Variants in PPM1L observed in about 807,000 individuals in gnomAD.
PPM1L encodes protein phosphatase, Mg2+/Mn2+ dependent 1L.
PPM1L carries 13 observed loss-of-function variants against 31.4 expected under a neutral mutation model. That is an observed-to-expected ratio of 0.41 (90% CI 0.27 to 0.66). The LOEUF (loss-of-function observed/expected upper bound fraction) is 0.66, where lower values mean the gene tolerates loss of function less well. Ranked by LOEUF, PPM1L falls within the 30% of genes least tolerant of loss-of-function variation. The pLI is 0.29. For synonymous variants in PPM1L, 184 were observed against 175.4 expected (o/e 1.05, Z -0.39); for missense variants, 326 against 453.7 (o/e 0.72, Z 2.56).
chr3:161,006,591 G>A (rs1013376618), intron 2 of PPM1L, among the ~76,000 whole-genome samples: 1 of 150,322 alleles, frequency 6.7e-6, no homozygotes, highest in African/African-American at 2.5e-5. Context: ...TTAATAATTG[G>A]TTTTCCTCAT....
At chr3:161,024,033 T>C (rs970900511) in intron 2 of PPM1L, among the ~76,000 whole-genome samples, 1 of 152,138 alleles carries the variant, frequency 6.6e-6, no homozygotes, top group South Asian at 2.1e-4. Context: ...TCCCAACACC[T>C]TGGGAGGCCC....
At chr3:160,854,289 T>C (rs1711610361) in intron 1 of PPM1L, among the ~76,000 whole-genome samples, 2 of 152,204 alleles carry the variant, frequency 1.3e-5, no homozygotes, top group Admixed American at 1.3e-4. Flanking sequence ...TTGGTATATC[T>C]CTGAGAACTG....
chr3:160,903,259 A>G (rs1445590485), intron 1 of PPM1L, among the ~76,000 whole-genome samples: 2 of 144,640 alleles, frequency 1.4e-5, no homozygotes, highest in South Asian at 2.1e-4. Context: ...GACTTATTCT[A>G]AGGAATTGGC....
intron 1 of PPM1L, among the ~76,000 whole-genome samples, chr3:160,889,485 G>A (rs748699765): frequency 1.3e-5 from 2 of 152,136 alleles, no homozygotes; most frequent in Non-Finnish European, 2.9e-5. Context: ...CCAATAAAAA[G>A]TTCTGAAATT....
At chr3:160,866,518 T>G (rs193126414) in intron 1 of PPM1L, among the ~76,000 whole-genome samples, 5 of 152,346 alleles carry the variant, frequency 3.3e-5, no homozygotes, top group Admixed American at 2.6e-4. Context: ...TAGATAATAA[T>G]GTGCTCATGA....
chr3:161,073,718 C>T lies in PPM1L; in HGVS notation c.*4561C>T, dbSNP rs1720011504. ...CTGGGACTACAGGCGGCCTCCACCACACCTGGCTAATTTTTTGTATTTTTA... is the reference window on the plus strand; with the variant it reads ...CTGGGACTACAGGCGGCCTCCACCATACCTGGCTAATTTTTTGTATTTTTA... On this transcript the variant is annotated 3_prime_UTR_variant, in exon 4 of 4. Coordinates refer to ENST00000498165, the MANE Select transcript of PPM1L (RefSeq NM_139245.4). 1 of 152,336 alleles carries T rather than the reference C, an allele frequency of 6.6e-6. No individual in the cohort carries two copies. The highest frequency in any genetic ancestry group is 6.5e-5 in the Admixed American group (1 of 15,288). The allele number at this position is 152,336 out of a possible 1,614,324, so 9.4% of individuals were successfully genotyped here. A position where few individuals can be genotyped will look rare whatever the true frequency, so the allele number is the denominator to read the frequency against.
Position 161,074,459 on chromosome 3 carries a change from C to G in PPM1L, c.*5302C>G, listed in dbSNP as rs183306503. Reference sequence around the variant, plus strand: ...AAAGTCATTAACTTAAAATTACATCCAATATTTAGGAATAGCTCATCCTCT... The same window carrying G: ...AAAGTCATTAACTTAAAATTACATCGAATATTTAGGAATAGCTCATCCTCT... On this transcript the variant is annotated 3_prime_UTR_variant, in exon 4 of 4. Transcript: ENST00000498165. 1 of 152,220 alleles carries G rather than the reference C, an allele frequency of 6.6e-6. No individual in the cohort carries two copies. Among genetic ancestry groups the G allele is most frequent in the Non-Finnish European group, 1.5e-5 (1 of 68,008 alleles). 9.4% of individuals were successfully genotyped at this position (152,220 alleles called of 1,614,324 possible). A position where few individuals can be genotyped will look rare whatever the true frequency, so the allele number is the denominator to read the frequency against.
At chr3:160,827,129 T>C (rs183534171) in intron 1 of PPM1L, among the ~76,000 whole-genome samples, 38 of 152,282 alleles carry the variant, frequency 2.5e-4, no homozygotes, top group African/African-American at 9.1e-4. Context: ...GCTGCTTTCC[T>C]TCCCCATTTA....
intron 1 of PPM1L, among the ~76,000 whole-genome samples, chr3:160,910,407 GGTTCCGGTGATT>G (rs1271908156): frequency 6.7e-6 from 1 of 148,306 alleles, no homozygotes; most frequent in African/African-American, 2.5e-5. Flanking sequence ...CCGCCTCCCA[GGTTCCGGTGATT>G]GTCATGCCTC....
chr3:160,838,068 T>G (rs972167937), intron 1 of PPM1L, among the ~76,000 whole-genome samples: 2 of 152,154 alleles, frequency 1.3e-5, no homozygotes, highest in African/African-American at 4.8e-5. Flanking sequence ...GGAAAAAGTT[T>G]CAGCTACTAA....
intron 1 of PPM1L, among the ~76,000 whole-genome samples, chr3:160,960,313 A>C (rs1715912465): frequency 6.6e-6 from 1 of 152,170 alleles, no homozygotes; most frequent in South Asian, 2.1e-4. Flanking sequence ...GTTCAAATCA[A>C]GGTAGTTAGC....
chr3:160,835,572 A>G (rs1254896398), intron 1 of PPM1L, among the ~76,000 whole-genome samples: 1 of 151,858 alleles, frequency 6.6e-6, no homozygotes, highest in Non-Finnish European at 1.5e-5. Flanking sequence ...TCATCCGTGC[A>G]TTTTTATTTC....
rs9846316 is a variant in PPM1L, at chr3:161,073,571, T to C, written c.*4414T>C. 22,447 of 129,940 alleles carry C rather than the reference T, an allele frequency of 0.17. 1,738 individuals carry two copies. Among genetic ancestry groups the C allele is most frequent in the East Asian group, 0.26 (1,211 of 4,700 alleles). 8.0% of individuals were successfully genotyped at this position (129,940 alleles called of 1,614,324 possible). On this transcript the variant is annotated 3_prime_UTR_variant, in exon 4 of 4. Coordinates refer to ENST00000498165, the MANE Select transcript of PPM1L (RefSeq NM_139245.4). ...TAAAGCTCTAAACATCATCCCCCCC[T>C]TTTTTTTTTTAACGGAATCTCGCTC...
In PPM1L at chr3:160,969,981, T is replaced by C. The variant is rs116719135; in HGVS notation, c.574+8071T>C. Among the ~76,000 whole-genome samples, 1,346 of 152,362 alleles carry C rather than the reference T, an allele frequency of 8.8e-3. 22 individuals are homozygous for C. The highest frequency in any genetic ancestry group is 0.031 in the African/African-American group (1,277 of 41,582). Reference sequence around the variant, plus strand: ...TGGTGTATTTATTTCTTGCCATTTTTCTCTGCTGAGTTTTAATTATTTATG... The same window carrying C: ...TGGTGTATTTATTTCTTGCCATTTTCCTCTGCTGAGTTTTAATTATTTATG... On this transcript the variant is annotated intron_variant, in intron 2 of 3. Transcript: ENST00000498165.
intron 1 of PPM1L, among the ~76,000 whole-genome samples, chr3:160,888,855 C>T (rs186472981): frequency 2.4e-4 from 36 of 152,140 alleles, no homozygotes; most frequent in African/African-American, 3.1e-4. Flanking sequence ...ATTGAATAAG[C>T]TGCTTCTGAA....
At chr3:160,786,427 C>T (rs758373818) in intron 1 of PPM1L, among the ~76,000 whole-genome samples, 26 of 149,942 alleles carry the variant, frequency 1.7e-4, no homozygotes, top group Admixed American at 6.0e-4. Context: ...CATGTTGGCC[C>T]GGCTGGTCTC....
intron 1 of PPM1L, among the ~76,000 whole-genome samples, chr3:160,861,922 T>C (rs946362154): frequency 2.0e-5 from 3 of 152,216 alleles, no homozygotes; most frequent in African/African-American, 7.2e-5. Flanking sequence ...CTGATATTCC[T>C]GCTTCTTTCT....
At chr3:160,779,856 C>G (rs879563149) in intron 1 of PPM1L, among the ~76,000 whole-genome samples, 6 of 152,024 alleles carry the variant, frequency 3.9e-5, no homozygotes, top group Non-Finnish European at 8.8e-5. Flanking sequence ...GTTACCTGCC[C>G]TTTGGTAAGT....
intron 2 of PPM1L, among the ~76,000 whole-genome samples, chr3:161,049,944 T>C (rs1171836514): frequency 6.6e-6 from 1 of 152,154 alleles, no homozygotes; most frequent in Non-Finnish European, 1.5e-5. Context: ...CAGCAAGTGT[T>C]TCATAATCAG....
Sources: allele counts gnomAD v4.1 joint callset (sites outside exome capture counted in the v4.1 genomes callset), GRCh38; gene constraint gnomAD v4.1.1; transcripts MANE v1.5; gene names NCBI Gene and HGNC (gene_info 2026-07-23, HGNC 2026-07-21).